The following USP35 variants were observed in gnomAD, a reference collection of about 807,000 sequenced individuals.
The protein encoded by USP35 is ubiquitin carboxyl-terminal hydrolase 35.
In USP35, 69 loss-of-function variants were observed where a neutral mutation model predicts 83.8. The ratio of observed to expected loss-of-function variants is 0.82; its 90% confidence interval spans 0.68 to 1.01. The LOEUF (loss-of-function observed/expected upper bound fraction) is 1.01, where lower values mean the gene tolerates loss of function less well. USP35 is among the 50% of genes least tolerant of loss of function. The pLI, the probability that USP35 is intolerant of heterozygous loss-of-function variation, is 0.00. For missense variants in USP35, 1,503 were observed against 1,362.5 expected (o/e 1.10, Z -1.62); for synonymous variants, 714 against 589.5 (o/e 1.21, Z -3.06).
intron 1 of USP35, among the ~76,000 whole-genome samples, chr11:78,194,530 G>C (rs1337685167): frequency 2.6e-5 from 4 of 152,192 alleles, no homozygotes; most frequent in Admixed American, 6.5e-5. Context: ...TGCCTAGATT[G>C]GGCATCGAAG....
At chr11:78,209,114 G>A (rs1361569226) in intron 9 of USP35, 151 bp downstream of exon 9, 2 of 836,334 alleles carry the variant, frequency 2.4e-6, no homozygotes, top group Non-Finnish European at 3.7e-6. Context: ...TGGAAGGGCA[G>A]GGACTGAGTG....
the USP35 span, among the ~76,000 whole-genome samples, chr11:78,236,049 AAAT>A: frequency 6.6e-6 from 1 of 152,232 alleles, no homozygotes; most frequent in Non-Finnish European, 1.5e-5. Context: ...ACTGCCATCT[AAAT>A]AATAATAGGT....
chr11:78,214,227 T>TCCAAGCCTG lies in USP35; in HGVS notation c.*414_*415insCCAAGCCTG, dbSNP rs1385319150. ...ATAAAGCACAGCAGGATCCAAGCCT[T>TCCAAGCCTG]GCACAAAGGGGTGGGGGGGGCAGTG... On this transcript the variant is annotated 3_prime_UTR_variant, in exon 11 of 11. Coordinates refer to ENST00000529308, the MANE Select transcript of USP35 (RefSeq NM_020798.4). 7.2e-6 allele frequency: 1 copy of TCCAAGCCTG among 138,664 alleles called. No individual in the cohort carries two copies. The highest frequency in any genetic ancestry group is 1.5e-5 in the Non-Finnish European group (1 of 65,676). The allele number at this position is 138,664 out of a possible 1,614,324, so 8.6% of individuals were successfully genotyped here.
At chr11:78,209,093 A>G in intron 9 of USP35, 130 bp downstream of exon 9, 1 of 958,302 alleles carries the variant, frequency 1.0e-6, no homozygotes. Context: ...GGGCGTGGAG[A>G]AGGGGTGTGC....
chr11:78,205,802 G>T, intron 6 of USP35, 40 bp from the exon 7 acceptor site: 1 of 1,577,052 alleles, frequency 6.3e-7, no homozygotes, highest in Non-Finnish European at 8.6e-7. Context: ...AGCTGACCCT[G>T]GTGCCCACCA....
At chr11:78,191,113 G>A (rs370660046) in intron 1 of USP35, among the ~76,000 whole-genome samples, 8 of 152,186 alleles carry the variant, frequency 5.3e-5, no homozygotes, top group Non-Finnish European at 7.3e-5. Flanking sequence ...AAGCTTGAGC[G>A]GGGGCCCAGG....
Position 78,196,106 on chromosome 11 carries a change from T to C in USP35, c.-10-130T>C. ...AGTGAAATGACGCCCTTGCCCCATTTCACAGATGAGAAAACTGAGGCCCAG... is the reference window on the plus strand; with the variant it reads ...AGTGAAATGACGCCCTTGCCCCATTCCACAGATGAGAAAACTGAGGCCCAG... On this transcript the variant is annotated intron_variant, in intron 1 of 10. Transcript: ENST00000529308. This position sits in a 1 kb window ranked among gnomAD's most constrained non-coding sequence, Gnocchi z 4.8. 7.2e-7 allele frequency: 1 copy of C among 1,393,426 alleles called. No individual in the cohort carries two copies. Among genetic ancestry groups the C allele is most frequent in the Non-Finnish European group, 9.3e-7 (1 of 1,074,552 alleles). 86.3% of individuals were successfully genotyped at this position (1,393,426 alleles called of 1,614,324 possible). A position where few individuals can be genotyped will look rare whatever the true frequency, so the allele number is the denominator to read the frequency against.
intron 1 of USP35, among the ~76,000 whole-genome samples, chr11:78,192,454 C>T (rs908217288): frequency 6.6e-6 from 1 of 152,208 alleles, no homozygotes. Context: ...TCCTCCCTTC[C>T]CTGGCCTGAT....
chr11:78,202,152 G>A (rs545396015), intron 6 of USP35, among the ~76,000 whole-genome samples: 5 of 152,318 alleles, frequency 3.3e-5, no homozygotes, highest in African/African-American at 1.2e-4. Flanking sequence ...GCGTGGCTGA[G>A]ATGGCCAATC....
At position 78,189,045 on chromosome 11, in the gene USP35, C is replaced by T; in HGVS notation, c.-123C>T. On this transcript the variant is annotated 5_prime_UTR_variant, in exon 1 of 11. Transcript: ENST00000529308. ...CCGTCTGGGACCTGGCTGAGGGCGT[C>T]CCCACCCTGGGGGGAGCAGAGGACC... is the stretch of plus-strand genomic sequence containing the variant. The T allele has an allele frequency of 1.2e-6, 1 of 814,218 alleles. No homozygotes were observed. The highest frequency in any genetic ancestry group is 5.6e-5 in the South Asian group (1 of 17,942). 50.4% of individuals were successfully genotyped at this position (814,218 alleles called of 1,614,324 possible).
In USP35 at chr11:78,199,111, A is replaced by G. The variant is rs144649528; in HGVS notation, c.807-484A>G. On this transcript the variant is annotated intron_variant, in intron 3 of 10. Transcript: ENST00000529308. Reference sequence around the variant, plus strand: ...TGGAATATCCTGCTCAATGGTGAATACGACCTAAGTGTTAGCTGCTGTTAT... The same window carrying G: ...TGGAATATCCTGCTCAATGGTGAATGCGACCTAAGTGTTAGCTGCTGTTAT... 489 of 171,414 alleles carry G rather than the reference A, an allele frequency of 2.9e-3. 2 individuals are homozygous for G. Among genetic ancestry groups the G allele is most frequent in the Non-Finnish European group, 4.6e-3 (361 of 78,698 alleles). 10.6% of individuals were successfully genotyped at this position (171,414 alleles called of 1,614,324 possible).
chr11:78,200,864 G>T, intron 6 of USP35, 56 bp downstream of exon 6: 1 of 1,536,270 alleles, frequency 6.5e-7, no homozygotes, highest in Non-Finnish European at 8.8e-7. Flanking sequence ...GTACCAGTGT[G>T]GGCCTTCCAG....
At chr11:78,204,423 A>T (rs1271061888) in intron 6 of USP35, among the ~76,000 whole-genome samples, 1 of 152,096 alleles carries the variant, frequency 6.6e-6, no homozygotes, top group Non-Finnish European at 1.5e-5. Flanking sequence ...TTTCTTTGGG[A>T]CCTGTGATAC....
At chr11:78,210,943 C>T (rs376859854) in intron 10 of USP35, among the ~76,000 whole-genome samples, 199 bp downstream of exon 10, 11 of 152,300 alleles carry the variant, frequency 7.2e-5, no homozygotes, top group Non-Finnish European at 1.0e-4. Flanking sequence ...TAATGAATGA[C>T]GCAGTTTATT....
downstream of USP35, chr11:78,219,093 G>A (rs1017195824): frequency 3.3e-6 from 2 of 607,470 alleles, no homozygotes; most frequent in Non-Finnish European, 5.7e-6. Context: ...GAGGTGCCTT[G>A]ATCAGGCCCT....
At position 78,196,513 on chromosome 11, in the gene USP35, C is replaced by A; in HGVS notation, c.268C>A (p.Gln90Lys). 8.2e-7 allele frequency: 1 copy of A among 1,225,762 alleles called. No homozygotes were observed. Among genetic ancestry groups the A allele is most frequent in the Non-Finnish European group, 1.0e-6 (1 of 976,910 alleles). 75.9% of individuals were successfully genotyped at this position (1,225,762 alleles called of 1,614,324 possible). A position where few individuals can be genotyped will look rare whatever the true frequency, so the allele number is the denominator to read the frequency against. ...FSARRVLRLLQGGAGPPGPRA... is the reference protein window; with the variant it reads ...FSARRVLRLLKGGAGPPGPRA... ...CGCGCGTCGCGTGCTGCGCCTGCTG[C>A]AGGGTGGCGCCGGCCCCCCGGGCCC... Residue 90 changes from glutamine to lysine, a missense_variant, in exon 2 of 11, where the codon CAG becomes AAG. Coordinates refer to ENST00000529308, the MANE Select transcript of USP35 (RefSeq NM_020798.4). The surrounding 1 kb of genome is among the most constrained non-coding windows in gnomAD (Gnocchi z 4.8).
At chr11:78,222,097 G>A in the USP35 span, 1,974 of 1,577,812 alleles carry the variant, frequency 1.3e-3, 7 homozygotes, top group Non-Finnish European at 1.4e-3. Context: ...CCACACATAC[G>A]CACTTACTTG....
chr11:78,235,021 CCGGGAGGGGCTGCCAT>C, the USP35 span, among the ~76,000 whole-genome samples: 3 of 152,006 alleles, frequency 2.0e-5, no homozygotes, highest in African/African-American at 7.2e-5. Flanking sequence ...TCCCGGGCCA[CCGGGAGGGGCTGCCAT>C]GAAGGTCTCT....
chr11:78,210,617 T>C lies in USP35; in HGVS notation c.2762T>C (p.Leu921Pro). ...SFFPKDTAYVLFYRQRPREGP... is the reference protein window; with the variant it reads ...SFFPKDTAYVPFYRQRPREGP... Reference sequence around the variant, plus strand: ...TTCCCTAAGGACACAGCCTATGTGCTGTTTTACCGGCAGCGGCCCAGGGAG... The same window carrying C: ...TTCCCTAAGGACACAGCCTATGTGCCGTTTTACCGGCAGCGGCCCAGGGAG... Residue 921 changes from leucine to proline, a missense_variant, in exon 10 of 11, where the codon CTG (leucine) becomes CCG (proline). Transcript: ENST00000529308. The C allele has an allele frequency of 1.2e-6, 2 of 1,614,202 alleles. No homozygotes were observed. The highest frequency in any genetic ancestry group is 1.7e-6 in the Non-Finnish European group (2 of 1,180,004).
Sources: gnomAD v4.1 joint callset for allele counts (sites outside exome capture counted in the v4.1 genomes callset) on GRCh38, gnomAD v4.1.1 for gene constraint, Gnocchi (gnomAD v3.1) non-coding constraint, MANE v1.5 for transcripts, NCBI Gene and HGNC (gene_info 2026-07-23, HGNC 2026-07-21) for gene names.